Variants in FLT1 observed in about 807,000 individuals in gnomAD.
FLT1 encodes the protein vascular endothelial growth factor receptor 1.
In FLT1, 49 loss-of-function variants were observed where a neutral mutation model predicts 156.3. The observed-to-expected ratio is 0.31, with a 90% CI of 0.25 to 0.40. The LOEUF is 0.40. Among genes scored for constraint, FLT1 ranks in the 10% least tolerant of loss-of-function variants. The pLI, the probability that FLT1 is intolerant of heterozygous loss-of-function variation, is 1.00. For synonymous variants in FLT1, 594 were observed against 583.8 expected, an observed-to-expected ratio of 1.02 and a Z score of -0.25; for missense variants, 1,322 against 1,637.2, an observed-to-expected ratio of 0.81 and a Z score of 3.32.
rs377443201 is a variant in FLT1 at position 28,376,249 on chromosome 13, CAAG to C, written c.2116+8633_2116+8635del. ...TAGATAAACACTTAGTCCTAGTGAT[CAAG>C]AAGATTTCATTTAAGAAGGAGTATT... is the stretch of plus-strand genomic sequence containing the variant. On this transcript the variant is annotated intron_variant, in intron 14 of 29. Transcript: ENST00000282397. Among the ~76,000 whole-genome samples the C allele has an allele frequency of 4.1e-3, 627 of 152,284 alleles. 5 individuals carry two copies. The highest frequency in any genetic ancestry group is 0.014 in the African/African-American group (580 of 41,558).
At chr13:28,335,466 G>A (rs537751782) in intron 17 of FLT1, among the ~76,000 whole-genome samples, 5 of 152,128 alleles carry the variant, frequency 3.3e-5, no homozygotes, top group African/African-American at 1.2e-4. Context: ...CTTGTAGTTT[G>A]TAATGAAGCT....
At chr13:28,375,374 G>A (rs755430565) in intron 14 of FLT1, among the ~76,000 whole-genome samples, 18 of 103,650 alleles carry the variant, frequency 1.7e-4, no homozygotes, top group Non-Finnish European at 2.2e-4. Flanking sequence ...AGCGCATAAA[G>A]CAACATTTTC....
In FLT1 at chr13:28,329,687, G is replaced by T; in HGVS notation, c.2635C>A (p.Leu879Ile). Reference sequence around the variant, plus strand: ...TGGCCAATGTGGGTCAAGATTTTTAGCTCAGTCATCAGAGCTTTGTACTCG... The same window carrying T: ...TGGCCAATGTGGGTCAAGATTTTTATCTCAGTCATCAGAGCTTTGTACTCG... ...ASEYKALMTELKILTHIGHHL... is the reference protein window; with the variant it reads ...ASEYKALMTEIKILTHIGHHL... Residue 879 changes from leucine (L) to isoleucine (I), a missense_variant, in exon 19 of 30, where the codon CTA (leucine) becomes ATA (isoleucine). Physicochemically the swap from Leu to Ile is conservative, Grantham distance 5. This residue lies in a region of FLT1 where 991 missense variants were observed against 1,254.8 expected (regional missense o/e 0.79). Coordinates refer to ENST00000282397, the MANE Select transcript of FLT1 (RefSeq NM_002019.4). 1 of 1,614,202 alleles carries T rather than the reference G, an allele frequency of 6.2e-7. No homozygotes were observed. Among genetic ancestry groups the T allele is most frequent in the Non-Finnish European group, 8.5e-7 (1 of 1,180,028 alleles).
At chr13:28,491,164 T>C (rs1034373012) in intron 1 of FLT1, among the ~76,000 whole-genome samples, 1 of 152,164 alleles carries the variant, frequency 6.6e-6, no homozygotes, top group Non-Finnish European at 1.5e-5. Context: ...AAACCATTTT[T>C]TGGTAACACA....
chr13:28,413,663 G>A (rs1392455737), intron 10 of FLT1, among the ~76,000 whole-genome samples: 1 of 152,130 alleles, frequency 6.6e-6, no homozygotes, highest in African/African-American at 2.4e-5. Context: ...ATTCAAGAAG[G>A]AGGCTTAAAA....
rs1366352971 is a variant in FLT1 at position 28,336,746 on chromosome 13, T to TC, written c.2488+2421_2488+2422insG. On this transcript the variant is annotated intron_variant, in intron 17 of 29. Transcript: ENST00000282397. Reference sequence around the variant, plus strand: ...CAGTGTTGAACATTATTCTAACTTTTTTTTTTTTTTTTTTTTTTGGAGACG... The same window carrying TC: ...CAGTGTTGAACATTATTCTAACTTTTCTTTTTTTTTTTTTTTTTTGGAGACG... Among the ~76,000 whole-genome samples, 6 of 148,694 alleles carry TC rather than the reference T, an allele frequency of 4.0e-5. No individual in the cohort carries two copies. In the East Asian group the frequency reaches 9.8e-4, roughly 24 times the overall value.
At position 28,431,012 on chromosome 13, in the gene FLT1, C is replaced by A. The variant is rs891784222; in HGVS notation, c.988+124G>T. Reference sequence around the variant, plus strand: ...GACAGGGGGAGGAGGGAACCATGGCCAAGCTGTATTCATTCATGATAATGT... The same window carrying A: ...GACAGGGGGAGGAGGGAACCATGGCAAAGCTGTATTCATTCATGATAATGT... On this transcript the variant is annotated intron_variant, in intron 7 of 29. Coordinates refer to ENST00000282397, the MANE Select transcript of FLT1 (RefSeq NM_002019.4). The A allele has an allele frequency of 5.8e-6, 5 of 865,854 alleles. No individual in the cohort carries two copies. In the South Asian group the frequency reaches 6.9e-5, roughly 12 times the overall value. 53.6% of individuals were successfully genotyped at this position (865,854 alleles called of 1,614,324 possible). A position where few individuals can be genotyped will look rare whatever the true frequency, so the allele number is the denominator to read the frequency against.
chr13:28,412,321 C>CTT (rs879299987), intron 10 of FLT1, among the ~76,000 whole-genome samples: 5 of 42,538 alleles, frequency 1.2e-4, no homozygotes, highest in African/African-American at 2.2e-4. Flanking sequence ...TTCTTTCTTT[C>CTT]TTTCTTTCTT....
intron 25 of FLT1, 39 bp downstream of exon 25, chr13:28,317,459 G>A (rs562161341): frequency 2.9e-4 from 375 of 1,282,162 alleles, no homozygotes; most frequent in Admixed American, 7.6e-4. Context: ...GGTGAAAAGC[G>A]AGCTGTCAGA....
In FLT1 at chr13:28,443,022, G is replaced by A. The variant is rs147924163; in HGVS notation, c.389-4677C>T. Among the ~76,000 whole-genome samples, 125 of 152,316 alleles carry A rather than the reference G, an allele frequency of 8.2e-4. 1 individual carries two copies. In the East Asian group the frequency reaches 0.023, roughly 28 times the overall value. On this transcript the variant is annotated intron_variant, in intron 3 of 29. Transcript: ENST00000282397. The stretch of plus-strand genomic sequence containing the variant: ...ACCAAATTGGCTGGTTGTTGAAAGA[G>A]TGAGGAAGAGCTGCTCCAAAGACTG...
chr13:28,415,547 T>C (rs1876599579), intron 10 of FLT1, among the ~76,000 whole-genome samples: 1 of 152,176 alleles, frequency 6.6e-6, no homozygotes, highest in Admixed American at 6.5e-5. Context: ...CACTCCTATC[T>C]CATGTAAGAT....
At chr13:28,381,059 C>T (rs1271874053) in intron 14 of FLT1, among the ~76,000 whole-genome samples, 1 of 152,186 alleles carries the variant, frequency 6.6e-6, no homozygotes, top group African/African-American at 2.4e-5. Flanking sequence ...GCTGCTGAGA[C>T]ACATTCTCTT....
At chr13:28,445,102 T>C (rs79412921) in intron 3 of FLT1, among the ~76,000 whole-genome samples, 1 of 152,262 alleles carries the variant, frequency 6.6e-6, no homozygotes, top group East Asian at 1.9e-4. Flanking sequence ...AGCTGGTTCT[T>C]TGAAAAGACA....
At chr13:28,357,524 T>TTC in intron 15 of FLT1, 30 bp downstream of exon 15, 1 of 1,612,632 alleles carries the variant, frequency 6.2e-7, no homozygotes, top group Non-Finnish European at 8.5e-7. Flanking sequence ...TCTGACCAAT[T>TTC]TCTTGTTGCT....
rs1320791680 is a variant in FLT1, at chr13:28,330,704, CTTTTTAT to C, written c.2594-983_2594-977del. On this transcript the variant is annotated intron_variant, in intron 18 of 29. Coordinates refer to ENST00000282397, the MANE Select transcript of FLT1 (RefSeq NM_002019.4). ...GAGACTTTTTCTCTTCTTTTTATTT[CTTTTTAT>C]TTTTTATTTTTATTTTTTTTGAGAC... 5.3e-5 allele frequency among the ~76,000 whole-genome samples: 8 copies of C among 150,078 alleles called. No individual in the cohort carries two copies. In the East Asian group the frequency reaches 5.8e-4, roughly 11 times the overall value.
chr13:28,468,904 A>G (rs947206569), intron 1 of FLT1, among the ~76,000 whole-genome samples: 4 of 152,236 alleles, frequency 2.6e-5, no homozygotes, highest in Non-Finnish European at 5.9e-5. Flanking sequence ...ACAGCCTAAC[A>G]GACAGCCTCA....
chr13:28,482,063 T>C (rs1880884055), intron 1 of FLT1, among the ~76,000 whole-genome samples: 1 of 152,198 alleles, frequency 6.6e-6, no homozygotes, highest in Admixed American at 6.5e-5. Context: ...AGCTTGGAAA[T>C]AGGGCATGAA....
At chr13:28,480,601 A>G (rs1251357245) in intron 1 of FLT1, among the ~76,000 whole-genome samples, 1 of 152,202 alleles carries the variant, frequency 6.6e-6, no homozygotes, top group African/African-American at 2.4e-5. Flanking sequence ...TTCTCCTTCA[A>G]AGACTTCCAC....
chr13:28,330,723 AT>A (rs1191941332), intron 18 of FLT1, among the ~76,000 whole-genome samples: 3 of 147,366 alleles, frequency 2.0e-5, no homozygotes, highest in African/African-American at 2.5e-5. Context: ...TTTTATTTTT[AT>A]TTTTTTTGAG....
Sources: allele counts gnomAD v4.1 joint callset (sites outside exome capture counted in the v4.1 genomes callset), GRCh38; gene constraint gnomAD v4.1.1; regional missense constraint gnomAD v4.1.1; transcripts MANE v1.5; gene names NCBI Gene and HGNC (gene_info 2026-07-23, HGNC 2026-07-21).